CFAP47: variants seen among roughly 807,000 people sequenced by gnomAD.
CFAP47 encodes cilia and flagella associated protein 47, also known as cilia- and flagella-associated protein 47.
A neutral mutation model predicts 148.1 loss-of-function variants in CFAP47; 29 were observed. The ratio of observed to expected loss-of-function variants is 0.20; its 90% CI spans 0.15 to 0.27. The LOEUF (loss-of-function observed/expected upper bound fraction) is 0.27, where lower values mean the gene tolerates loss of function less well. Among genes scored for constraint, CFAP47 ranks in the 10% least tolerant of loss-of-function variants. CFAP47 has a pLI of 1.00. For synonymous variants in CFAP47, 664 were observed against 577.3 expected, an observed-to-expected ratio of 1.15 and a Z score of -2.15; for missense variants, 1,872 against 1,697.5, an observed-to-expected ratio of 1.10 and a Z score of -1.81.
intron 15 of CFAP47, among the ~76,000 whole-genome samples, chrX:35,979,504 C>A (rs1936613989): frequency 9.1e-6 from 1 of 109,810 alleles, no homozygotes; most frequent in Admixed American, 9.9e-5. Context: ...TCTACCAGTC[C>A]CAGCCTTGCT....
In CFAP47 at chrX:36,316,134, C is replaced by G. The variant is rs782593557; in HGVS notation, c.8345-3075C>G. Among the ~76,000 whole-genome samples the G allele has an allele frequency of 3.6e-5, 4 of 112,172 alleles. No homozygotes were observed. The South Asian group carries it at 1.5e-3, about 42-fold the overall frequency. On this transcript the variant is annotated intron_variant, in intron 56 of 63. Transcript: ENST00000378653. ...TCTCAGTAAGCAGGCAGAACAATTTCTCACTAACTGTTCACCTAGTTATAT... is the reference window on the plus strand; with the variant it reads ...TCTCAGTAAGCAGGCAGAACAATTTGTCACTAACTGTTCACCTAGTTATAT...
At chrX:36,026,396 G>A (rs1176212637) in intron 22 of CFAP47, among the ~76,000 whole-genome samples, 2 of 111,153 alleles carry the variant, frequency 1.8e-5, no homozygotes, top group South Asian at 3.7e-4. Context: ...TAACATATCC[G>A]TCATATCCAT....
chrX:36,148,973 C>T (rs1939273020), intron 36 of CFAP47, 135 bp from the exon 37 acceptor site: 1 of 224,014 alleles, frequency 4.5e-6, no homozygotes, highest in African/African-American at 3.1e-5. Context: ...CTGGCTTTGT[C>T]CAGTTGGTGT....
intron 49 of CFAP47, among the ~76,000 whole-genome samples, chrX:36,253,215 A>C (rs782565767): frequency 8.9e-6 from 1 of 111,925 alleles, no homozygotes; most frequent in Non-Finnish European, 1.9e-5. Flanking sequence ...GAATTAGGTT[A>C]ATGTTTCTGG....
chrX:36,199,071 C>T (rs1311744692), intron 42 of CFAP47, among the ~76,000 whole-genome samples: 1 of 111,731 alleles, frequency 9.0e-6, no homozygotes, highest in Non-Finnish European at 1.9e-5. Context: ...GTCCAAACAT[C>T]CAAGCTGTTT....
chrX:36,371,748 A>ATACACACATGTGTGTG lies in CFAP47; in HGVS notation c.9185+4623_9185+4624insCACACATGTGTGTGTA, dbSNP rs1941952313. On this transcript the variant is annotated intron_variant, in intron 62 of 63. Transcript: ENST00000378653. Reference sequence around the variant, plus strand: ...CACACATGTGTGTATATATGTGTGTATATACACACATGTGTGTATATACAC... The same window carrying ATACACACATGTGTGTG: ...CACACATGTGTGTATATATGTGTGTATACACACATGTGTGTGTATACACACATGTGTGTATATACAC... Among the ~76,000 whole-genome samples the ATACACACATGTGTGTG allele has an allele frequency of 3.3e-5, 2 of 60,129 alleles. 1 individual carries two copies. The highest frequency in any genetic ancestry group is 1.7e-4 in the African/African-American group (2 of 12,088). 52.2% of individuals were successfully genotyped at this position (60,129 alleles called of 115,157 possible).
At chrX:36,175,948 C>A (rs867829112) in intron 39 of CFAP47, among the ~76,000 whole-genome samples, 1 of 112,593 alleles carries the variant, frequency 8.9e-6, no homozygotes, top group African/African-American at 3.2e-5. Flanking sequence ...TAGCAATCAG[C>A]GAGACTCCGT....
chrX:36,076,178 C>CTTTTTTTTT (rs199694179), intron 29 of CFAP47, among the ~76,000 whole-genome samples: 1 of 98,273 alleles, frequency 1.0e-5, no homozygotes, highest in Non-Finnish European at 2.1e-5. Flanking sequence ...TCTTTTTTTT[C>CTTTTTTTTT]TTTTTTTTTT....
intron 45 of CFAP47, among the ~76,000 whole-genome samples, chrX:36,227,417 T>C (rs1940282763): frequency 8.9e-6 from 1 of 112,079 alleles, no homozygotes; most frequent in Admixed American, 9.5e-5. Flanking sequence ...GAATATATGC[T>C]ATATAATATT....
intron 26 of CFAP47, among the ~76,000 whole-genome samples, chrX:36,062,230 T>C (rs1831219446): frequency 9.0e-6 from 1 of 111,557 alleles, no homozygotes; most frequent in African/African-American, 3.3e-5. Flanking sequence ...AAATATAATA[T>C]CATGATATTT....
intron 15 of CFAP47, among the ~76,000 whole-genome samples, chrX:35,976,608 T>C (rs1303837580): frequency 9.0e-6 from 1 of 111,331 alleles, no homozygotes; most frequent in African/African-American, 3.3e-5. Context: ...CCTGGAGCAG[T>C]TGACAGATAA....
Position 36,251,267 on chromosome X carries a change from T to A in CFAP47, c.7333-66T>A, listed in dbSNP as rs961451972. Reference sequence around the variant, plus strand: ...GCTTTAACTTGTTACAGTAATTTCATGTAGTGTAGTGTACTTATTTTATGT... The same window carrying A: ...GCTTTAACTTGTTACAGTAATTTCAAGTAGTGTAGTGTACTTATTTTATGT... On this transcript the variant is annotated intron_variant, in intron 48 of 63. Coordinates refer to ENST00000378653, the MANE Select transcript of CFAP47 (RefSeq NM_001304548.2). 127 of 337,459 alleles carry A rather than the reference T, an allele frequency of 3.8e-4. 1 individual carries two copies. The highest frequency in any genetic ancestry group is 7.3e-4 in the South Asian group (9 of 12,365). 27.8% of individuals were successfully genotyped at this position (337,459 alleles called of 1,213,427 possible).
Position 36,320,905 on chromosome X carries a change from C to T in CFAP47, c.8443+1598C>T, listed in dbSNP as rs782424922. ...ACTTTGTAACTGTCATTCTTTTGAC[C>T]TAGTAATGCCAATTCTGTTGGTTGC... is the stretch of plus-strand genomic sequence containing the variant. On this transcript the variant is annotated intron_variant, in intron 57 of 63. Transcript: ENST00000378653. Among the ~76,000 whole-genome samples, 4 of 111,748 alleles carry T rather than the reference C, an allele frequency of 3.6e-5. No individual in the cohort carries two copies. The South Asian group carries it at 1.5e-3, about 41-fold the overall frequency.
chrX:35,919,782 G>C lies in CFAP47; in HGVS notation c.-18G>C, dbSNP rs1332981809. ...CGGACGGATCCACATCTGTTTTCTG[G>C]CTACCGAGAGGGCAGCCATGAACAC... is the stretch of plus-strand genomic sequence containing the variant. On this transcript the variant is annotated 5_prime_UTR_variant, in exon 1 of 64. Coordinates refer to ENST00000378653, the MANE Select transcript of CFAP47 (RefSeq NM_001304548.2). 8.4e-7 allele frequency: 1 copy of C among 1,188,833 alleles called. No homozygotes were observed.
intron 30 of CFAP47, among the ~76,000 whole-genome samples, chrX:36,090,959 T>C (rs1196088448): frequency 9.0e-6 from 1 of 111,127 alleles, no homozygotes; most frequent in Non-Finnish European, 1.9e-5. Context: ...TTGGAAAAAA[T>C]ATTCAAATAA....
At chrX:36,261,994 C>G (rs930089380) in intron 49 of CFAP47, among the ~76,000 whole-genome samples, 5 of 110,295 alleles carry the variant, frequency 4.5e-5, no homozygotes, top group Non-Finnish European at 9.5e-5. Flanking sequence ...GCTGGCCGGG[C>G]GGGGGCTGAC....
chrX:35,959,657 A>G (rs1271616511), intron 8 of CFAP47, among the ~76,000 whole-genome samples: 1 of 110,736 alleles, frequency 9.0e-6, no homozygotes, highest in Non-Finnish European at 1.9e-5. Context: ...AAATACAAAT[A>G]TTAGCTGGGT....
chrX:36,040,428 C>T (rs1032055425), intron 25 of CFAP47, among the ~76,000 whole-genome samples: 3 of 111,323 alleles, frequency 2.7e-5, no homozygotes, highest in African/African-American at 6.5e-5. Context: ...GATATTTGAA[C>T]AATATTTGTA....
chrX:36,154,791 G>A (rs1939347570), intron 37 of CFAP47, among the ~76,000 whole-genome samples: 1 of 104,722 alleles, frequency 9.5e-6, no homozygotes, highest in African/African-American at 3.6e-5. Flanking sequence ...CCTTTATATA[G>A]TAATGTTGGC....
Sources: allele counts gnomAD v4.1 joint callset (sites outside exome capture counted in the v4.1 genomes callset), GRCh38; gene constraint gnomAD v4.1.1; transcripts MANE v1.5; gene names NCBI Gene and HGNC (gene_info 2026-07-23, HGNC 2026-07-21).